Variants in CSMD1 observed in about 807,000 individuals in gnomAD.
The protein encoded by CSMD1 is CUB and Sushi multiple domains 1.
CSMD1 carries 213 observed loss-of-function variants against 417.5 expected under a neutral mutation model. The ratio of observed to expected loss-of-function variants is 0.51; its 90% CI spans 0.46 to 0.57. The LOEUF (loss-of-function observed/expected upper bound fraction) is 0.57. Among genes scored for constraint, CSMD1 ranks in the 20% least tolerant of loss-of-function variants. The pLI is 0.00. For missense variants in CSMD1, 6,923 were observed against 4,529.7 expected (o/e 1.53, Z -15.17); for synonymous variants, 2,862 against 1,736.8 (o/e 1.65, Z -16.11).
chr8:4,385,688 T>G (rs575686203), intron 3 of CSMD1, among the ~76,000 whole-genome samples: 1 of 152,258 alleles, frequency 6.6e-6, no homozygotes, highest in East Asian at 1.9e-4. Context: ...ATGCTAAAAA[T>G]AGTAATATAG....
At chr8:3,798,044 T>A (rs78052534) in intron 5 of CSMD1, among the ~76,000 whole-genome samples, 2,265 of 152,130 alleles carry the variant, frequency 0.015, 47 homozygotes, top group East Asian at 0.038. Context: ...TTTGACCATT[T>A]TTATTTCTTC....
At chr8:3,316,789 G>A (rs746383710) in intron 23 of CSMD1, among the ~76,000 whole-genome samples, 18 of 152,126 alleles carry the variant, frequency 1.2e-4, no homozygotes, top group Admixed American at 2.6e-4. Context: ...CCAACTCAGC[G>A]TGCAGTGGGG....
chr8:3,984,893 C>T (rs74299126), intron 5 of CSMD1, among the ~76,000 whole-genome samples: 11 of 151,484 alleles, frequency 7.3e-5, no homozygotes, highest in African/African-American at 1.5e-4. Flanking sequence ...GTCCATAAAA[C>T]GAATACTTTA....
At position 3,712,516 on chromosome 8, in the gene CSMD1, C is replaced by A. The variant is rs184709937; in HGVS notation, c.932-4025G>T. On this transcript the variant is annotated intron_variant, in intron 6 of 69. Transcript: ENST00000635120. Reference sequence around the variant, plus strand: ...CACCTATGGCAAATCCCTGCAATAGCCTCTTCTTTCTCCTGAATTAAACTA... The same window carrying A: ...CACCTATGGCAAATCCCTGCAATAGACTCTTCTTTCTCCTGAATTAAACTA... Among the ~76,000 whole-genome samples the A allele has an allele frequency of 4.6e-3, 701 of 152,178 alleles. 4 individuals carry two copies. Among genetic ancestry groups the A allele is most frequent in the Non-Finnish European group, 7.3e-3 (498 of 67,992 alleles).
At chr8:4,894,742 G>T (rs1459951756) in intron 1 of CSMD1, among the ~76,000 whole-genome samples, 4 of 151,824 alleles carry the variant, frequency 2.6e-5, no homozygotes, top group Non-Finnish European at 5.9e-5. Context: ...GACCGAGGGG[G>T]ACCAAGTGTG....
chr8:4,219,251 T>G (rs946080645), intron 3 of CSMD1, among the ~76,000 whole-genome samples: 1 of 152,236 alleles, frequency 6.6e-6, no homozygotes, highest in South Asian at 2.1e-4. Flanking sequence ...CTAAATATAG[T>G]TACCACTTTA....
At chr8:3,663,186 G>C (rs975439939) in intron 7 of CSMD1, among the ~76,000 whole-genome samples, 3 of 152,106 alleles carry the variant, frequency 2.0e-5, no homozygotes, top group African/African-American at 7.2e-5. Flanking sequence ...TTCATTTCCA[G>C]CACAGAGAAA....
At chr8:4,680,750 T>C (rs901427624) in intron 1 of CSMD1, among the ~76,000 whole-genome samples, 2 of 152,042 alleles carry the variant, frequency 1.3e-5, no homozygotes, top group Non-Finnish European at 2.9e-5. Flanking sequence ...CAGCTATTTT[T>C]TGTATTTTTA....
chr8:3,853,050 G>A (rs1227775900), intron 5 of CSMD1, among the ~76,000 whole-genome samples: 1 of 152,086 alleles, frequency 6.6e-6, no homozygotes, highest in African/African-American at 2.4e-5. Context: ...CATGTCATCA[G>A]TCGAGCAACC....
chr8:4,177,534 A>G (rs2131162087), intron 3 of CSMD1, among the ~76,000 whole-genome samples: 1 of 152,280 alleles, frequency 6.6e-6, no homozygotes, highest in Admixed American at 6.5e-5. Flanking sequence ...GAAAAACAAG[A>G]GCAAACACAT....
At chr8:3,961,039 G>C (rs899819624) in intron 5 of CSMD1, among the ~76,000 whole-genome samples, 1 of 151,838 alleles carries the variant, frequency 6.6e-6, no homozygotes, top group African/African-American at 2.4e-5. Flanking sequence ...TAAAAAAGAG[G>C]AAAAGATAAT....
intron 5 of CSMD1, among the ~76,000 whole-genome samples, chr8:3,772,297 G>GTACATATATTTAGACATACATATA (rs1563063856): frequency 1.6e-5 from 2 of 127,596 alleles, no homozygotes; most frequent in East Asian, 4.3e-4. Context: ...ACATACATAT[G>GTACATATATTTAGACATACATATA]TACATATATT....
chr8:4,344,238 C>G (rs1800648529), intron 3 of CSMD1, among the ~76,000 whole-genome samples: 1 of 152,146 alleles, frequency 6.6e-6, no homozygotes, highest in Non-Finnish European at 1.5e-5. Flanking sequence ...AAAGGTGCCT[C>G]TGACACAATC....
At chr8:3,536,755 T>A (rs1798217578) in intron 10 of CSMD1, among the ~76,000 whole-genome samples, 2 of 152,082 alleles carry the variant, frequency 1.3e-5, no homozygotes, top group Non-Finnish European at 1.5e-5. Context: ...TACCCAAAAG[T>A]GTCCATTGTG....
chr8:3,415,099 T>G (rs1813047431), intron 12 of CSMD1, among the ~76,000 whole-genome samples: 1 of 152,208 alleles, frequency 6.6e-6, no homozygotes. Flanking sequence ...TGATTTTTAT[T>G]CGCACTCACA....
At chr8:4,750,475 G>T (rs760832717) in intron 1 of CSMD1, among the ~76,000 whole-genome samples, 1 of 152,032 alleles carries the variant, frequency 6.6e-6, no homozygotes, top group Non-Finnish European at 1.5e-5. Flanking sequence ...ACTCTTATGG[G>T]CAATGCCTCT....
intron 6 of CSMD1, among the ~76,000 whole-genome samples, chr8:3,732,260 A>G (rs556029088): frequency 1.3e-5 from 2 of 152,208 alleles, no homozygotes; most frequent in African/African-American, 4.8e-5. Flanking sequence ...ATTACTCGAT[A>G]CAAAGCTGCC....
intron 2 of CSMD1, among the ~76,000 whole-genome samples, chr8:4,423,392 C>T (rs908875601): frequency 6.6e-6 from 1 of 152,034 alleles, no homozygotes; most frequent in Non-Finnish European, 1.5e-5. Flanking sequence ...ATACAAAAAT[C>T]TATTGTAGTT....
intron 3 of CSMD1, among the ~76,000 whole-genome samples, chr8:4,034,552 A>G (rs1273120131): frequency 6.6e-6 from 1 of 152,200 alleles, no homozygotes. Flanking sequence ...AAAACTTTCC[A>G]TTTTATCAGG....
Sources: gnomAD v4.1 joint callset for allele counts (sites outside exome capture counted in the v4.1 genomes callset) on GRCh38, gnomAD v4.1.1 for gene constraint, MANE v1.5 for transcripts, NCBI Gene and HGNC (gene_info 2026-07-23, HGNC 2026-07-21) for gene names.